WRNIP1: variants seen among roughly 807,000 people sequenced by gnomAD.
The protein encoded by WRNIP1 is ATPase WRNIP1.
A neutral mutation model predicts 56.1 loss-of-function variants in WRNIP1; 41 were observed. That is an observed-to-expected ratio of 0.73 (90% CI 0.57 to 0.95). The LOEUF (loss-of-function observed/expected upper bound fraction) is 0.95, where lower values mean the gene tolerates loss of function less well. WRNIP1 is among the 40% of genes least tolerant of loss of function. WRNIP1 has a pLI of 0.00. For synonymous variants in WRNIP1, 547 were observed against 398.1 expected (o/e 1.37, Z -4.45); for missense variants, 1,170 against 939.4 (o/e 1.25, Z -3.21).
chr6:2,770,436 C>T (rs1054390776), intron 3 of WRNIP1, 75 bp downstream of exon 3: 65 of 1,579,372 alleles, frequency 4.1e-5, no homozygotes, highest in African/African-American at 2.6e-4. Context: ...CAGAAAGGGC[C>T]GGGCGTCAGT....
At position 2,765,650 on chromosome 6, in the gene WRNIP1, C is replaced by T. The variant is rs758856075; in HGVS notation, c.28C>T (p.Pro10Ser). Residue 10 changes from proline to serine, a missense_variant, in exon 1 of 7, where the codon CCC becomes TCC. Coordinates refer to ENST00000380773, the MANE Select transcript of WRNIP1 (RefSeq NM_020135.3). ...GGAGGTGAGCGGGCCGGAAGACGAC[C>T]CCTTCCTTTCGCAGCTGCACCAGGT... MEVSGPEDDPFLSQLHQVQC... is the reference protein window; with the variant it reads MEVSGPEDDSFLSQLHQVQC... 19 of 1,545,964 alleles carry T rather than the reference C, an allele frequency of 1.2e-5. No homozygotes were observed. The highest frequency in any genetic ancestry group is 5.4e-5 in the Admixed American group (3 of 55,102).
At chr6:2,779,017 G>A (rs932923339) in intron 3 of WRNIP1, among the ~76,000 whole-genome samples, 3 of 152,184 alleles carry the variant, frequency 2.0e-5, no homozygotes, top group African/African-American at 7.2e-5. Flanking sequence ...AGACTTAGAT[G>A]TATGAACCTA....
At position 2,785,003 on chromosome 6, in the gene WRNIP1, G is replaced by T; in HGVS notation, c.1723-4G>T. 2 of 1,613,742 alleles carry T rather than the reference G, an allele frequency of 1.2e-6. No homozygotes were observed. Among genetic ancestry groups the T allele is most frequent in the South Asian group, 1.1e-5 (1 of 91,076 alleles). On this transcript the variant is annotated splice_polypyrimidine_tract_variant and splice_region_variant and intron_variant, in intron 6 of 6. Coordinates refer to ENST00000380773, the MANE Select transcript of WRNIP1 (RefSeq NM_020135.3). ...GTAAAATGTGTCCTCTGTGTCATTG[G>T]TAGGTGCTTCTGGCCCAGTGTGTGG...
intron 3 of WRNIP1, 68 bp from the exon 4 acceptor site, chr6:2,779,195 T>TAAGACATGTGCAGAACAAGAAGTATGC: frequency 6.6e-7 from 1 of 1,520,442 alleles, no homozygotes; most frequent in East Asian, 2.3e-5. Flanking sequence ...TATGAGTTTC[T>TAAGACATGTGCAGAACAAGAAGTATGC]AAGACATGTG....
At chr6:2,768,491 C>G (rs931162255) in intron 1 of WRNIP1, among the ~76,000 whole-genome samples, 200 bp from the exon 2 acceptor site, 4 of 152,176 alleles carry the variant, frequency 2.6e-5, no homozygotes, top group African/African-American at 9.7e-5. Context: ...TAGCTACTTT[C>G]CTGTTTTATT....
intron 3 of WRNIP1, chr6:2,774,167 C>T: frequency 1.0e-6 from 1 of 985,108 alleles, no homozygotes; most frequent in Non-Finnish European, 1.2e-6. Context: ...TTTTTAAGTA[C>T]ATTAATACAG....
chr6:2,781,012 A>C (rs1765545076), intron 4 of WRNIP1, among the ~76,000 whole-genome samples: 1 of 152,238 alleles, frequency 6.6e-6, no homozygotes, highest in Non-Finnish European at 1.5e-5. Flanking sequence ...GCAAGTGGTG[A>C]AACTGACCCG....
In WRNIP1 at chr6:2,766,131, G is replaced by A. The variant is rs772702011; in HGVS notation, c.509G>A (p.Gly170Asp). 3.2e-6 allele frequency: 4 copies of A among 1,241,228 alleles called. No homozygotes were observed. Among genetic ancestry groups the A allele is most frequent in the Non-Finnish European group, 4.1e-6 (4 of 971,660 alleles). The allele number at this position is 1,241,228 out of a possible 1,614,324, so 76.9% of individuals were successfully genotyped here. A position where few individuals can be genotyped will look rare whatever the true frequency, so the allele number is the denominator to read the frequency against. Residue 170 changes from glycine (G) to aspartate (D), a missense_variant, in exon 1 of 7, where the codon GGC becomes GAC. Coordinates refer to ENST00000380773, the MANE Select transcript of WRNIP1 (RefSeq NM_020135.3). ...GCGCAGGAGGAGGAGGAGGCCGTGG[G>A]CGACGGCGATGGCGACGGGGACGCG... ...AEAQEEEEAV[G>D]DGDGDGDADA...
chr6:2,765,631 G>C lies in WRNIP1; in HGVS notation c.9G>C (p.Val3=), dbSNP rs1312027809. Residue 3 remains valine (V), a synonymous_variant, in exon 1 of 7, where the codon GTG becomes GTC. Transcript: ENST00000380773. ...GGAGGGCGGCGGCCGCCATGGAGGTGAGCGGGCCGGAAGACGACCCCTTCC... is the reference window on the plus strand; with the variant it reads ...GGAGGGCGGCGGCCGCCATGGAGGTCAGCGGGCCGGAAGACGACCCCTTCC... ME[V]SGPEDDPFLS... 1.3e-6 allele frequency: 2 copies of C among 1,535,674 alleles called. No individual in the cohort carries two copies. Among genetic ancestry groups the C allele is most frequent in the South Asian group, 1.2e-5 (1 of 86,078 alleles).
Position 2,783,578 on chromosome 6 carries a change from G to A in WRNIP1, c.1642+17G>A. ...AGGACATAGGTGAGTGTGATGGGAG[G>A]GTCCCGGAGTCCTATGTCCATGAGG... is the stretch of plus-strand genomic sequence containing the variant. On this transcript the variant is annotated intron_variant, in intron 5 of 6. Coordinates refer to ENST00000380773, the MANE Select transcript of WRNIP1 (RefSeq NM_020135.3). 1 of 1,566,138 alleles carries A rather than the reference G, an allele frequency of 6.4e-7. No homozygotes were observed.
At chr6:2,774,738 G>GA (rs1338043760) in intron 3 of WRNIP1, among the ~76,000 whole-genome samples, 1 of 152,214 alleles carries the variant, frequency 6.6e-6, no homozygotes, top group Non-Finnish European at 1.5e-5. Context: ...GGATTAAACA[G>GA]AAAGACGTCG....
intron 4 of WRNIP1, among the ~76,000 whole-genome samples, chr6:2,781,375 A>G (rs540755976): frequency 3.3e-5 from 5 of 152,352 alleles, no homozygotes; most frequent in Middle Eastern, 3.4e-3. Context: ...CCAGTGCAAC[A>G]TGTCTGCCCC....
At position 2,765,721 on chromosome 6, in the gene WRNIP1, C is replaced by T. The variant is rs1332822077; in HGVS notation, c.99C>T (p.Asn33=). ...AGATGATGCCCGCCGCGCACATCAA[C>T]TCGCACCTGGACCGCTGTCTGCTGC... is the stretch of plus-strand genomic sequence containing the variant. ...CQQMMPAAHI[N]SHLDRCLLLH... Residue 33 remains asparagine, a synonymous_variant, in exon 1 of 7, where the codon AAC becomes AAT. Coordinates refer to ENST00000380773, the MANE Select transcript of WRNIP1 (RefSeq NM_020135.3). 5 of 1,542,084 alleles carry T rather than the reference C, an allele frequency of 3.2e-6. No homozygotes were observed. Among genetic ancestry groups the T allele is most frequent in the African/African-American group, 1.4e-5 (1 of 70,260 alleles).
At chr6:2,783,684 G>C (rs192874) in intron 5 of WRNIP1, 123 bp downstream of exon 5, 1 of 722,960 alleles carries the variant, frequency 1.4e-6, no homozygotes, top group Non-Finnish European at 2.1e-6. Flanking sequence ...GTAGCAGGAA[G>C]AATGTCTCAG....
intron 3 of WRNIP1, among the ~76,000 whole-genome samples, chr6:2,777,500 T>G (rs535363041): frequency 1.6e-4 from 24 of 152,264 alleles, no homozygotes; most frequent in Middle Eastern, 3.4e-3. Flanking sequence ...AGAGAATCCA[T>G]TGTTTTTACT....
Position 2,784,334 on chromosome 6 carries a change from C to G in WRNIP1, c.1653C>G (p.Asp551Glu). 1 of 1,613,552 alleles carries G rather than the reference C, an allele frequency of 6.2e-7. No homozygotes were observed. The highest frequency in any genetic ancestry group is 1.3e-5 in the African/African-American group (1 of 75,056). ...CTCTGTGTGTGGCAGGTCTGGCAGACCCGTCTGCGTTAACACAAGCGGTTG... is the reference window on the plus strand; with the variant it reads ...CTCTGTGTGTGGCAGGTCTGGCAGAGCCGTCTGCGTTAACACAAGCGGTTG... ...RFASEDIGLADPSALTQAVAA... is the reference protein window; with the variant it reads ...RFASEDIGLAEPSALTQAVAA... The change falls in exon 6 of 7, where the codon GAC (aspartate) becomes GAG (glutamate). Residue 551 changes from aspartate (D) to glutamate (E), a missense_variant. Transcript: ENST00000380773.
chr6:2,785,525 A>G lies in WRNIP1; in HGVS notation c.*243A>G, dbSNP rs915396195. ...TGAAAATACCTGGCAGCTTTGTGCA[A>G]TGAATTAATGTTATAAGGAATTATC... On this transcript the variant is annotated 3_prime_UTR_variant, in exon 7 of 7. Coordinates refer to ENST00000380773, the MANE Select transcript of WRNIP1 (RefSeq NM_020135.3). The G allele has an allele frequency of 4.3e-5, 22 of 514,046 alleles. No homozygotes were observed. Among genetic ancestry groups the G allele is most frequent in the East Asian group, 2.2e-4 (7 of 31,570 alleles). 31.8% of individuals were successfully genotyped at this position (514,046 alleles called of 1,614,324 possible).
At chr6:2,780,863 C>G (rs1174127072) in intron 4 of WRNIP1, among the ~76,000 whole-genome samples, 1 of 152,164 alleles carries the variant, frequency 6.6e-6, no homozygotes, top group Non-Finnish European at 1.5e-5. Flanking sequence ...TTTTATCAGA[C>G]TGTCACTTGA....
intron 3 of WRNIP1, among the ~76,000 whole-genome samples, chr6:2,772,561 G>A (rs1310979028): frequency 6.6e-6 from 1 of 152,170 alleles, no homozygotes; most frequent in African/African-American, 2.4e-5. Context: ...AATTACCCAG[G>A]TATCAAGAGC....
Sources: gnomAD v4.1 joint callset for allele counts (sites outside exome capture counted in the v4.1 genomes callset) on GRCh38, gnomAD v4.1.1 for gene constraint, MANE v1.5 for transcripts, NCBI Gene and HGNC (gene_info 2026-07-23, HGNC 2026-07-21) for gene names.